The following GNB4 variants were observed in gnomAD, a reference collection of about 807,000 sequenced individuals.
GNB4 encodes G protein subunit beta 4.
Under a neutral mutation model 45.2 loss-of-function variants are expected in GNB4, and 28 were observed. The ratio of observed to expected loss-of-function variants is 0.62; its 90% CI spans 0.46 to 0.85. The LOEUF is 0.85. GNB4 is among the 40% of genes least tolerant of loss of function. The pLI is 0.00. For missense variants in GNB4, 321 were observed against 425.4 expected, an observed-to-expected ratio of 0.75 and a Z score of 2.16; for synonymous variants, 132 against 143.7, an observed-to-expected ratio of 0.92 and a Z score of 0.58.
the GNB4 span, among the ~76,000 whole-genome samples, chr3:179,477,254 T>C: frequency 2.6e-5 from 4 of 152,236 alleles, no homozygotes; most frequent in African/African-American, 7.2e-5. Context: ...AATATTTTAG[T>C]TCTGATTATC....
At chr3:179,429,787 T>A (rs901550030) in intron 1 of GNB4, among the ~76,000 whole-genome samples, 1 of 152,142 alleles carries the variant, frequency 6.6e-6, no homozygotes, top group Non-Finnish European at 1.5e-5. Flanking sequence ...CAAATTCACA[T>A]CACCAATCTC....
chr3:179,518,228 G>A, the GNB4 span, among the ~76,000 whole-genome samples: 6 of 152,018 alleles, frequency 3.9e-5, no homozygotes, highest in Non-Finnish European at 2.9e-5. Context: ...ATACAAACTC[G>A]ACAGTAGTTC....
At chr3:179,444,691 G>A (rs1469930878) in intron 1 of GNB4, among the ~76,000 whole-genome samples, 1 of 152,052 alleles carries the variant, frequency 6.6e-6, no homozygotes, top group Admixed American at 6.5e-5. Context: ...CAGTCTGTGT[G>A]ACAGAGAGAG....
chr3:179,427,014 C>G (rs960941431), intron 1 of GNB4, among the ~76,000 whole-genome samples: 4 of 152,106 alleles, frequency 2.6e-5, no homozygotes, highest in African/African-American at 9.7e-5. Context: ...GTATCACTCT[C>G]ACACTCACTC....
chr3:179,520,083 A>T, the GNB4 span, among the ~76,000 whole-genome samples: 1 of 152,006 alleles, frequency 6.6e-6, no homozygotes, highest in Non-Finnish European at 1.5e-5. Flanking sequence ...CTCCCTTCAC[A>T]ACCCATTATT....
At chr3:179,403,324 C>A (rs545189492) in intron 9 of GNB4, among the ~76,000 whole-genome samples, 140 of 150,790 alleles carry the variant, frequency 9.3e-4, no homozygotes, top group Admixed American at 2.4e-3. Context: ...CTTGGAAACA[C>A]AAAAGATGAT....
chr3:179,407,278 G>A (rs974495262), intron 8 of GNB4, among the ~76,000 whole-genome samples: 13 of 152,062 alleles, frequency 8.5e-5, no homozygotes, highest in African/African-American at 2.9e-4. Flanking sequence ...GCCCAACATA[G>A]TGAAACCCCG....
At chr3:179,455,236 T>G (rs1715960754), upstream of GNB4, among the ~76,000 whole-genome samples, 1 of 152,208 alleles carries the variant, frequency 6.6e-6, no homozygotes, top group Non-Finnish European at 1.5e-5. Context: ...ACTAGAAGCA[T>G]GCAGGCATAT....
chr3:179,516,072 G>A, the GNB4 span, among the ~76,000 whole-genome samples: 1 of 152,188 alleles, frequency 6.6e-6, no homozygotes, highest in Non-Finnish European at 1.5e-5. Flanking sequence ...GAGTGCCCAA[G>A]GGAGTTCAGT....
the GNB4 span, among the ~76,000 whole-genome samples, chr3:179,460,107 GA>G: frequency 6.6e-6 from 1 of 152,178 alleles, no homozygotes; most frequent in Non-Finnish European, 1.5e-5. Flanking sequence ...TAAAAGCTTT[GA>G]ATCAGAATGA....
intron 8 of GNB4, among the ~76,000 whole-genome samples, chr3:179,412,482 T>G (rs933911575): frequency 2.0e-5 from 3 of 151,896 alleles, no homozygotes; most frequent in Admixed American, 2.0e-4. Context: ...TGTCTCTAAA[T>G]AATAATAATA....
intron 1 of GNB4, among the ~76,000 whole-genome samples, chr3:179,442,087 G>A (rs60388496): frequency 0.19 from 28,474 of 152,060 alleles, 3,362 homozygotes; most frequent in East Asian, 0.36. Context: ...GATTACAGGC[G>A]TGAGCCACCA....
At chr3:179,449,666 A>G (rs1221751008) in intron 1 of GNB4, among the ~76,000 whole-genome samples, 1 of 152,234 alleles carries the variant, frequency 6.6e-6, no homozygotes, top group East Asian at 1.9e-4. Flanking sequence ...ATATAAGTAG[A>G]ATAACTTACA....
intron 9 of GNB4, among the ~76,000 whole-genome samples, chr3:179,402,630 CTTT>C (rs1419049224): frequency 1.3e-5 from 2 of 152,194 alleles, no homozygotes; most frequent in African/African-American, 4.8e-5. Context: ...TGGCAACGAA[CTTT>C]CGTAAGCTGG....
Position 179,401,028 on chromosome 3 carries a change from G to A in GNB4, c.*185C>T, listed in dbSNP as rs1016301644. 3 of 504,336 alleles carry A rather than the reference G, an allele frequency of 5.9e-6. No homozygotes were observed. Among genetic ancestry groups the A allele is most frequent in the Middle Eastern group, 5.3e-4 (1 of 1,904 alleles). 31.2% of individuals were successfully genotyped at this position (504,336 alleles called of 1,614,324 possible). ...TACACTGGTCCTTTTGATCTCAGAAGGCGCCTTTGCCTTTTTTCCTCCACC... is the reference window on the plus strand; with the variant it reads ...TACACTGGTCCTTTTGATCTCAGAAAGCGCCTTTGCCTTTTTTCCTCCACC... On this transcript the variant is annotated 3_prime_UTR_variant, in exon 10 of 10. Transcript: ENST00000232564.
At chr3:179,472,366 CTTTCTT>C in the GNB4 span, among the ~76,000 whole-genome samples, 1,427 of 110,920 alleles carry the variant, frequency 0.013, 26 homozygotes, top group African/African-American at 0.034. Flanking sequence ...CCTTTTCTTT[CTTTCTT>C]TTTTTTTTTT....
At chr3:179,441,887 A>G (rs1405311900) in intron 1 of GNB4, among the ~76,000 whole-genome samples, 1 of 152,004 alleles carries the variant, frequency 6.6e-6, no homozygotes, top group East Asian at 1.9e-4. Context: ...GGCTCACTGC[A>G]AACTCCGCCT....
At chr3:179,423,556 G>A (rs6807169) in intron 2 of GNB4, among the ~76,000 whole-genome samples, 42 of 152,286 alleles carry the variant, frequency 2.8e-4, no homozygotes, top group African/African-American at 8.7e-4. Context: ...GGCCGAGGCA[G>A]GTGGATCATG....
rs559103931 is a variant in GNB4 at position 179,443,911 on chromosome 3, G to A, written c.-43+7435C>T. ...GGGTCTTATCTCTACCATGCAGTTCGAATAGAATATTCATTTTTAGTTACA... is the reference window on the plus strand; with the variant it reads ...GGGTCTTATCTCTACCATGCAGTTCAAATAGAATATTCATTTTTAGTTACA... On this transcript the variant is annotated intron_variant, in intron 1 of 9. Transcript: ENST00000232564. Among the ~76,000 whole-genome samples the A allele has an allele frequency of 2.6e-5, 4 of 152,230 alleles. No individual in the cohort carries two copies. In the East Asian group the frequency reaches 5.8e-4, roughly 22 times the overall value.
Sources: allele counts gnomAD v4.1 joint callset (sites outside exome capture counted in the v4.1 genomes callset), GRCh38; gene constraint gnomAD v4.1.1; transcripts MANE v1.5; gene names NCBI Gene and HGNC (gene_info 2026-07-23, HGNC 2026-07-21).